The following EML4 variants were observed in gnomAD, a reference collection of about 807,000 sequenced individuals.
EML4 encodes the protein echinoderm microtubule-associated protein-like 4.
EML4 carries 72 observed loss-of-function variants against 129.0 expected under a neutral mutation model. The ratio of observed to expected loss-of-function variants is 0.56; its 90% CI spans 0.46 to 0.68. EML4 has a LOEUF of 0.68. EML4 is among the 30% of genes least tolerant of loss of function. The pLI is 0.00. For synonymous variants in EML4, 532 were observed against 405.0 expected, an observed-to-expected ratio of 1.31 and a Z score of -3.77; for missense variants, 1,363 against 1,190.6, an observed-to-expected ratio of 1.14 and a Z score of -2.13.
intron 5 of EML4, among the ~76,000 whole-genome samples, chr2:42,264,492 T>C (rs1183627045): frequency 6.6e-6 from 1 of 152,232 alleles, no homozygotes; most frequent in Non-Finnish European, 1.5e-5. Context: ...ACTGTTTAGA[T>C]GCTCTTGTGG....
intron 2 of EML4, among the ~76,000 whole-genome samples, chr2:42,255,240 C>A (rs1676054698): frequency 6.6e-6 from 1 of 152,074 alleles, no homozygotes; most frequent in Non-Finnish European, 1.5e-5. Context: ...CGCTCGCCAC[C>A]ACGCCTGGCT....
At chr2:42,196,249 A>G (rs1008858111) in intron 1 of EML4, among the ~76,000 whole-genome samples, 3 of 152,192 alleles carry the variant, frequency 2.0e-5, no homozygotes, top group Non-Finnish European at 4.4e-5. Flanking sequence ...AATTTGGATA[A>G]AAATATTTAC....
At chr2:42,222,564 C>T (rs751394638) in intron 1 of EML4, among the ~76,000 whole-genome samples, 1 of 152,106 alleles carries the variant, frequency 6.6e-6, no homozygotes, top group African/African-American at 2.4e-5. Context: ...CCTACAAAGC[C>T]TAAAATGTTT....
intron 9 of EML4, 109 bp from the exon 10 acceptor site, chr2:42,286,160 A>G: frequency 1.4e-6 from 1 of 737,926 alleles, no homozygotes; most frequent in African/African-American, 1.7e-5. Context: ...GTAATTTATT[A>G]GAAGCTTATC....
chr2:42,328,802 T>TAAAA, intron 21 of EML4, 84 bp from the exon 22 acceptor site: 2 of 1,135,734 alleles, frequency 1.8e-6, no homozygotes, highest in Non-Finnish European at 2.4e-6. Flanking sequence ...GCTAAACAGA[T>TAAAA]TCTAAAATAA....
At chr2:42,205,923 A>G (rs1344628695) in intron 1 of EML4, among the ~76,000 whole-genome samples, 1 of 151,770 alleles carries the variant, frequency 6.6e-6, no homozygotes, top group African/African-American at 2.4e-5. Flanking sequence ...TCTCTCCTCT[A>G]CCTAGCCTGT....
intron 7 of EML4, among the ~76,000 whole-genome samples, chr2:42,281,624 A>C (rs1667016389): frequency 6.6e-6 from 1 of 152,210 alleles, no homozygotes; most frequent in Non-Finnish European, 1.5e-5. Flanking sequence ...GGGGTTAATT[A>C]ATAACCCATA....
intron 1 of EML4, among the ~76,000 whole-genome samples, chr2:42,236,533 T>C (rs1359750309): frequency 6.6e-6 from 1 of 152,244 alleles, no homozygotes; most frequent in Non-Finnish European, 1.5e-5. Context: ...CATATACATA[T>C]TTCTAGCTGT....
chr2:42,210,291 C>T (rs763878318), intron 1 of EML4, among the ~76,000 whole-genome samples: 5 of 152,016 alleles, frequency 3.3e-5, no homozygotes, highest in Admixed American at 3.3e-4. Flanking sequence ...TATATTGTAG[C>T]AGCTTTGGTG....
At chr2:42,315,035 A>G (rs911127107) in intron 17 of EML4, among the ~76,000 whole-genome samples, 1 of 152,174 alleles carries the variant, frequency 6.6e-6, no homozygotes, top group African/African-American at 2.4e-5. Flanking sequence ...CTCAGGGAGG[A>G]GAGTTCTCCC....
chr2:42,262,442 A>G (rs1168487572), intron 4 of EML4, among the ~76,000 whole-genome samples: 1 of 151,998 alleles, frequency 6.6e-6, no homozygotes, highest in Non-Finnish European at 1.5e-5. Context: ...TAAGGTTCTG[A>G]TTTCACTTGA....
chr2:42,303,036 A>T (rs1188503445), intron 14 of EML4, 68 bp from the exon 15 acceptor site: 1 of 1,514,388 alleles, frequency 6.6e-7, no homozygotes, highest in Non-Finnish European at 9.0e-7. Context: ...ACAGCTATAA[A>T]TGCAGGCTTC....
chr2:42,286,135 G>T (rs1341043652), intron 9 of EML4, 134 bp from the exon 10 acceptor site: 2 of 693,432 alleles, frequency 2.9e-6, no homozygotes, highest in South Asian at 1.5e-5. Flanking sequence ...TCATTTGGAG[G>T]CATGTCTAAA....
intron 1 of EML4, among the ~76,000 whole-genome samples, chr2:42,219,523 A>G (rs1442339335): frequency 3.3e-5 from 5 of 152,164 alleles, no homozygotes; most frequent in African/African-American, 4.8e-5. Context: ...TTAGATTTTC[A>G]TAGATTAGAA....
At chr2:42,177,909 A>G (rs887366581) in intron 1 of EML4, among the ~76,000 whole-genome samples, 4 of 152,194 alleles carry the variant, frequency 2.6e-5, no homozygotes, top group African/African-American at 9.7e-5. Context: ...TCAGTTACAT[A>G]TATTTGTCTT....
intron 17 of EML4, among the ~76,000 whole-genome samples, chr2:42,306,233 C>T (rs1210493344): frequency 6.6e-6 from 1 of 152,094 alleles, no homozygotes; most frequent in Non-Finnish European, 1.5e-5. Flanking sequence ...GGTCCATTCT[C>T]TTTGAGAAAG....
intron 2 of EML4, 64 bp downstream of exon 2, chr2:42,245,751 C>A: frequency 1.4e-6 from 2 of 1,441,340 alleles, no homozygotes; most frequent in Non-Finnish European, 1.9e-6. Context: ...AAAGTTGAAG[C>A]TGGAAATATA....
intron 2 of EML4, among the ~76,000 whole-genome samples, chr2:42,247,480 T>G (rs1675486907): frequency 6.6e-6 from 1 of 152,120 alleles, no homozygotes; most frequent in Non-Finnish European, 1.5e-5. Context: ...CCTCTTGGCC[T>G]CATGTACTCT....
chr2:42,170,778 A>C (rs138240091), intron 1 of EML4, among the ~76,000 whole-genome samples: 57 of 152,320 alleles, frequency 3.7e-4, no homozygotes, highest in African/African-American at 1.3e-3. Flanking sequence ...CCTTTCTTTT[A>C]CATTTCTTGA....
Sources: allele counts gnomAD v4.1 joint callset (sites outside exome capture counted in the v4.1 genomes callset), GRCh38; gene constraint gnomAD v4.1.1; transcripts MANE v1.5; gene names NCBI Gene and HGNC (gene_info 2026-07-23, HGNC 2026-07-21).